PAPPA2: variants seen among roughly 807,000 people sequenced by gnomAD.
The protein encoded by PAPPA2 is pappalysin-2.
A neutral mutation model predicts 176.4 loss-of-function variants in PAPPA2; 86 were observed. The ratio of observed to expected loss-of-function variants is 0.49; its 90% CI spans 0.41 to 0.58. The LOEUF is 0.58. PAPPA2 is among the 20% of genes least tolerant of loss of function. The pLI, the probability that PAPPA2 is intolerant of heterozygous loss-of-function variation, is 0.00. For synonymous variants in PAPPA2, 809 were observed against 852.2 expected, an observed-to-expected ratio of 0.95 and a Z score of 0.88; for missense variants, 2,073 against 2,256.9, an observed-to-expected ratio of 0.92 and a Z score of 1.65.
intron 1 of PAPPA2, among the ~76,000 whole-genome samples, chr1:176,465,145 C>T (rs1415359632): frequency 1.3e-5 from 2 of 152,166 alleles, no homozygotes; most frequent in East Asian, 3.8e-4. Context: ...TCTTCCTTCC[C>T]ATTTTTTGGG....
At chr1:176,809,735 G>A (rs1184561505) in intron 21 of PAPPA2, among the ~76,000 whole-genome samples, 6 of 152,126 alleles carry the variant, frequency 3.9e-5, no homozygotes, top group South Asian at 4.1e-4. Context: ...CTAACAAGTC[G>A]TAATTGAGGG....
rs912361977 is a variant in PAPPA2 at position 176,816,390 on chromosome 1, C to T, written c.5202+16258C>T. 6.0e-5 allele frequency among the ~76,000 whole-genome samples: 9 copies of T among 150,678 alleles called. No homozygotes were observed. In the South Asian group the frequency reaches 1.9e-3, roughly 32 times the overall value. On this transcript the variant is annotated intron_variant, in intron 21 of 22. Coordinates refer to ENST00000367662, the MANE Select transcript of PAPPA2 (RefSeq NM_020318.3). ...TGACATCATCACGCACACACACACA[C>T]ACACACACACACGCATACACACTCC...
intron 2 of PAPPA2, 38 bp downstream of exon 2, chr1:176,557,279 G>A (rs1411249818): frequency 6.6e-7 from 1 of 1,522,024 alleles, no homozygotes; most frequent in South Asian, 1.2e-5. Flanking sequence ...AATCCTGAGG[G>A]TATGGCTGGC....
chr1:176,577,921 T>C (rs1030550884), intron 2 of PAPPA2, among the ~76,000 whole-genome samples: 1 of 152,172 alleles, frequency 6.6e-6, no homozygotes, highest in African/African-American at 2.4e-5. Context: ...TTGATGACAC[T>C]GCATGACTCC....
Position 176,793,640 on chromosome 1 carries a change from G to A in PAPPA2, c.5101G>A (p.Glu1701Lys). ...TGAGAATATCACTGCTGACACTCTGGAGCACTGGATGGAACCTGTCAAAGT... is the reference window on the plus strand; with the variant it reads ...TGAGAATATCACTGCTGACACTCTGAAGCACTGGATGGAACCTGTCAAAGT... ...LPENITADTL[E>K]HWMEPVKVQS... is the part of the protein sequence containing the mutation. The change falls in exon 20 of 23, where the codon GAG becomes AAG. Residue 1701 changes from glutamate to lysine, a missense_variant. This residue lies in a region of PAPPA2 where 846 missense variants were observed against 857.9 expected (regional missense o/e 0.99). Coordinates refer to ENST00000367662, the MANE Select transcript of PAPPA2 (RefSeq NM_020318.3). 1 of 1,612,322 alleles carries A rather than the reference G, an allele frequency of 6.2e-7. No homozygotes were observed. Among genetic ancestry groups the A allele is most frequent in the Non-Finnish European group, 8.5e-7 (1 of 1,178,696 alleles).
intron 4 of PAPPA2, among the ~76,000 whole-genome samples, chr1:176,689,742 T>G (rs1043850275): frequency 6.6e-6 from 1 of 152,154 alleles, no homozygotes; most frequent in African/African-American, 2.4e-5. Context: ...CCTAGGAAGT[T>G]TTTAAAAATG....
chr1:176,645,790 T>G (rs12138705), intron 3 of PAPPA2, among the ~76,000 whole-genome samples: 37,788 of 151,502 alleles, frequency 0.25, 4,839 homozygotes, highest in South Asian at 0.33. Flanking sequence ...TTTTAGCTGG[T>G]GTAAGATATT....
chr1:176,547,060 C>A (rs1395071706), intron 1 of PAPPA2, among the ~76,000 whole-genome samples: 1 of 152,160 alleles, frequency 6.6e-6, no homozygotes, highest in Admixed American at 6.5e-5. Flanking sequence ...TAATTAATAA[C>A]CACAATCCTC....
At chr1:176,554,604 C>T (rs1196978459) in intron 1 of PAPPA2, among the ~76,000 whole-genome samples, 1 of 152,152 alleles carries the variant, frequency 6.6e-6, no homozygotes, top group East Asian at 1.9e-4. Context: ...AAACATGGTT[C>T]CTTGGGTCTA....
At chr1:176,752,360 A>C (rs988711138) in intron 14 of PAPPA2, among the ~76,000 whole-genome samples, 36 of 151,624 alleles carry the variant, frequency 2.4e-4, no homozygotes, top group Admixed American at 5.9e-4. Flanking sequence ...AAAAAAAAAA[A>C]AAAAACATTT....
chr1:176,799,939 A>G (rs948299570), intron 20 of PAPPA2, 122 bp from the exon 21 acceptor site: 17 of 970,756 alleles, frequency 1.8e-5, no homozygotes, highest in South Asian at 1.0e-4. Flanking sequence ...ATGGGACACA[A>G]TTAGAAACTA....
intron 6 of PAPPA2, 42 bp downstream of exon 6, chr1:176,692,360 T>G (rs757668096): frequency 5.2e-6 from 8 of 1,524,158 alleles, no homozygotes; most frequent in Non-Finnish European, 7.2e-6. Flanking sequence ...CTTATTTCTC[T>G]GTGGCATTTC....
chr1:176,707,684 G>A (rs791028), intron 10 of PAPPA2, among the ~76,000 whole-genome samples: 123,764 of 152,102 alleles, frequency 0.81, 50,502 homozygotes, highest in East Asian at 0.98. Context: ...GGCTCAGAAC[G>A]TTTTAATGAC....
At chr1:176,670,656 T>G (rs1283370107) in intron 3 of PAPPA2, among the ~76,000 whole-genome samples, 1 of 152,180 alleles carries the variant, frequency 6.6e-6, no homozygotes, top group Non-Finnish European at 1.5e-5. Flanking sequence ...AAAGAATTCA[T>G]GGTATCATTA....
intron 1 of PAPPA2, among the ~76,000 whole-genome samples, chr1:176,516,432 A>G (rs1325957633): frequency 6.6e-6 from 1 of 152,174 alleles, no homozygotes; most frequent in Non-Finnish European, 1.5e-5. Flanking sequence ...AAAGAAAGGT[A>G]AGTGACTGCT....
At position 176,671,040 on chromosome 1, in the gene PAPPA2, T is replaced by G; in HGVS notation, c.2062T>G (p.Phe688Val). 1 of 1,614,002 alleles carries G rather than the reference T, an allele frequency of 6.2e-7. No homozygotes were observed. Among genetic ancestry groups the G allele is most frequent in the Non-Finnish European group, 8.5e-7 (1 of 1,179,932 alleles). ...CAGTACTCACTTCCTCAACATCTAC[T>G]TTGCCAGCTCAGTGCGGGAAGACCT... ...LNSTHFLNIY[F>V]ASSVREDLAG... is the part of the protein sequence containing the mutation. Residue 688 changes from phenylalanine to valine, a missense_variant, in exon 4 of 23, where the codon TTT becomes GTT. Transcript: ENST00000367662.
intron 12 of PAPPA2, among the ~76,000 whole-genome samples, chr1:176,735,831 A>T (rs1255656958): frequency 6.6e-6 from 1 of 151,920 alleles, no homozygotes; most frequent in Non-Finnish European, 1.5e-5. Context: ...TCACTAAGCT[A>T]ATTTCACTAG....
At chr1:176,677,434 G>C (rs1309146148) in intron 4 of PAPPA2, among the ~76,000 whole-genome samples, 1 of 152,132 alleles carries the variant, frequency 6.6e-6, no homozygotes, top group African/African-American at 2.4e-5. Context: ...CACCATTTCT[G>C]CCCTTTCGTA....
chr1:176,476,242 A>G (rs899993336), intron 1 of PAPPA2, among the ~76,000 whole-genome samples: 2 of 152,186 alleles, frequency 1.3e-5, no homozygotes, highest in African/African-American at 4.8e-5. Flanking sequence ...ATGTGGTTCA[A>G]AAAAATATCA....
Sources: gnomAD v4.1 joint callset for allele counts (sites outside exome capture counted in the v4.1 genomes callset) on GRCh38, gnomAD v4.1.1 for gene constraint, gnomAD v4.1.1 regional missense constraint, MANE v1.5 for transcripts, NCBI Gene and HGNC (gene_info 2026-07-23, HGNC 2026-07-21) for gene names.